CNGB1: variants seen among roughly 807,000 people sequenced by gnomAD.
The protein encoded by CNGB1 is cyclic nucleotide gated channel subunit beta 1.
A neutral mutation model predicts 151.7 loss-of-function variants in CNGB1; 126 were observed. The ratio of observed to expected loss-of-function variants is 0.83; its 90% CI spans 0.72 to 0.96. CNGB1 has a LOEUF of 0.96. Among genes scored for constraint, CNGB1 ranks in the 40% least tolerant of loss-of-function variants. The probability of loss-of-function intolerance (pLI) is 0.00; values close to 1 mark genes in which losing one functional copy is unlikely to be tolerated. For missense variants in CNGB1, 1,698 were observed against 1,627.0 expected (o/e 1.04, Z -0.75); for synonymous variants, 623 against 635.1 (o/e 0.98, Z 0.29).
chr16:57,958,920 GCT>G (rs1491156193), intron 10 of CNGB1, among the ~76,000 whole-genome samples: 31 of 109,844 alleles, frequency 2.8e-4, no homozygotes, highest in Non-Finnish European at 4.3e-4. Context: ...ATCATGCCCA[GCT>G]TTTTTTTTTT....
intron 26 of CNGB1, among the ~76,000 whole-genome samples, 169 bp from the exon 27 acceptor site, chr16:57,904,150 G>C (rs1480462570): frequency 6.6e-6 from 1 of 152,106 alleles, no homozygotes; most frequent in Non-Finnish European, 1.5e-5. Context: ...TTTTACTGAC[G>C]GGAAGTTCTG....
intron 16 of CNGB1, among the ~76,000 whole-genome samples, chr16:57,935,306 A>G (rs893597249): frequency 6.6e-6 from 1 of 152,210 alleles, no homozygotes; most frequent in Non-Finnish European, 1.5e-5. Flanking sequence ...CCATTTGAAT[A>G]GTAATAAAGT....
At chr16:57,955,585 AT>A (rs1294979088) in intron 12 of CNGB1, among the ~76,000 whole-genome samples, 2 of 152,202 alleles carry the variant, frequency 1.3e-5, no homozygotes, top group Non-Finnish European at 2.9e-5. Flanking sequence ...ATGTGACCTT[AT>A]TTGGAAATAG....
intron 24 of CNGB1, among the ~76,000 whole-genome samples, chr16:57,912,140 G>A (rs1960734175): frequency 6.6e-6 from 1 of 152,006 alleles, no homozygotes; most frequent in Admixed American, 6.6e-5. Context: ...GAGCAGGGAG[G>A]GACTGATGTG....
intron 14 of CNGB1, 46 bp from the exon 15 acceptor site, chr16:57,940,367 G>T: frequency 6.5e-7 from 1 of 1,539,362 alleles, no homozygotes; most frequent in Non-Finnish European, 8.8e-7. Flanking sequence ...CTGGGTTAGG[G>T]TGTTAAAGGT....
chr16:57,931,253 A>C (rs117875781), intron 17 of CNGB1, among the ~76,000 whole-genome samples: 1,582 of 152,148 alleles, frequency 0.01, 38 homozygotes, highest in East Asian at 0.084. Flanking sequence ...CCCAGGCTCA[A>C]GCAATTGTCA....
chr16:57,928,553 A>T (rs1961255504), intron 17 of CNGB1, among the ~76,000 whole-genome samples: 1 of 152,258 alleles, frequency 6.6e-6, no homozygotes, highest in South Asian at 2.1e-4. Flanking sequence ...AGGAGAATGC[A>T]GAGTAGTAAA....
chr16:57,960,412 G>A, intron 9 of CNGB1, 70 bp downstream of exon 9: 1 of 1,560,404 alleles, frequency 6.4e-7, no homozygotes. Flanking sequence ...ATCCTCCAGG[G>A]CCCAGTTGAT....
intron 12 of CNGB1, chr16:57,954,631 T>C (rs1597008487): frequency 1.0e-6 from 1 of 962,692 alleles, no homozygotes. Flanking sequence ...CCTAAACCCT[T>C]CTTTTAGCTT....
At position 57,891,552 on chromosome 16, in the gene CNGB1, G is replaced by T. The variant is rs151259478; in HGVS notation, c.3243-3478C>A. ...TGTCTTATGTGTGTTTCTTTTTAAA[G>T]ACATTATTATTATTATTATTTTGAG... is the stretch of plus-strand genomic sequence containing the variant. On this transcript the variant is annotated intron_variant, in intron 31 of 32. Coordinates refer to ENST00000251102, the MANE Select transcript of CNGB1 (RefSeq NM_001297.5). Among the ~76,000 whole-genome samples the T allele has an allele frequency of 1.2e-4, 19 of 152,164 alleles. No individual in the cohort carries two copies. The East Asian group carries it at 3.1e-3, about 25-fold the overall frequency.
chr16:57,933,288 T>C (rs1108645), intron 16 of CNGB1, among the ~76,000 whole-genome samples: 25,116 of 152,174 alleles, frequency 0.17, 4,117 homozygotes, highest in African/African-American at 0.42. Context: ...CAATCAAGGG[T>C]AACAGACTGT....
chr16:57,936,820 GAGAGAAAGAGGA>G (rs1161375296), intron 16 of CNGB1, among the ~76,000 whole-genome samples: 4 of 151,476 alleles, frequency 2.6e-5, no homozygotes, highest in African/African-American at 7.3e-5. Flanking sequence ...CAAAAGAAAA[GAGAGAAAGAGGA>G]AGAGAAAGAG....
intron 25 of CNGB1, among the ~76,000 whole-genome samples, chr16:57,911,311 A>G (rs416683): frequency 0.61 from 92,726 of 151,870 alleles, 29,351 homozygotes; most frequent in African/African-American, 0.8. Context: ...ATTTTTTGAG[A>G]TGGAGTTTCG....
chr16:57,968,862 A>AT (rs1962463236), intron 1 of CNGB1, among the ~76,000 whole-genome samples: 2 of 134,110 alleles, frequency 1.5e-5, no homozygotes, highest in African/African-American at 3.1e-5. Context: ...CCCTGTCTCT[A>AT]TTTAAAAAAA....
chr16:57,904,076 A>G, intron 26 of CNGB1, 95 bp from the exon 27 acceptor site: 3 of 1,160,638 alleles, frequency 2.6e-6, no homozygotes, highest in Non-Finnish European at 3.8e-6. Context: ...CACACAGACC[A>G]CGGGCATGTG....
intron 17 of CNGB1, among the ~76,000 whole-genome samples, chr16:57,928,099 TACAG>T (rs543197042): frequency 2.1e-3 from 324 of 152,348 alleles, no homozygotes; most frequent in Non-Finnish European, 3.3e-3. Flanking sequence ...GCAGAAGAGT[TACAG>T]ACAGCCTCCC....
chr16:57,917,247 C>T (rs768814851), intron 21 of CNGB1, 21 bp downstream of exon 21: 7 of 1,605,204 alleles, frequency 4.4e-6, no homozygotes, highest in Non-Finnish European at 5.1e-6. Flanking sequence ...GTCACCCCAA[C>T]ACCACCTGCC....
chr16:57,959,946 G>A lies in CNGB1; in HGVS notation c.703C>T (p.Pro235Ser), dbSNP rs375419881. 10 of 1,588,368 alleles carry A rather than the reference G, an allele frequency of 6.3e-6. No individual in the cohort carries two copies. Among genetic ancestry groups the A allele is most frequent in the Non-Finnish European group, 8.6e-6 (10 of 1,165,996 alleles). The change falls in exon 10 of 33, where the codon CCC becomes TCC. Residue 235 changes from proline (P) to serine (S), a missense_variant. By Grantham distance (74) the Pro-to-Ser change is moderately conservative. Coordinates refer to ENST00000251102, the MANE Select transcript of CNGB1 (RefSeq NM_001297.5). ...EEPKEAPAPE[P>S]QPGSQAQTSS... ...GTCTGGGCCTGGGAGCCGGGCTGGGGCTCTGGAGCTGGTGCCTCCTTGGGT... is the reference window on the plus strand; with the variant it reads ...GTCTGGGCCTGGGAGCCGGGCTGGGACTCTGGAGCTGGTGCCTCCTTGGGT...
chr16:57,958,622 C>T (rs1962152397), intron 10 of CNGB1, 137 bp from the exon 11 acceptor site: 3 of 728,102 alleles, frequency 4.1e-6, no homozygotes, highest in South Asian at 3.2e-5. Flanking sequence ...CCCAGGTCTC[C>T]AGCCCTGAAG....
Sources: gnomAD v4.1 joint callset for allele counts (sites outside exome capture counted in the v4.1 genomes callset) on GRCh38, gnomAD v4.1.1 for gene constraint, MANE v1.5 for transcripts, NCBI Gene and HGNC (gene_info 2026-07-23, HGNC 2026-07-21) for gene names.